Variants in EPB41L2 observed in about 807,000 individuals in gnomAD.
EPB41L2 encodes erythrocyte membrane protein band 4.1 like 2, also known as band 4.1-like protein 2.
A neutral mutation model predicts 113.0 loss-of-function variants in EPB41L2; 43 were observed. The observed-to-expected ratio is 0.38, with a 90% confidence interval of 0.30 to 0.49. The LOEUF is 0.49. Ranked by LOEUF, EPB41L2 falls within the 20% of genes least tolerant of loss-of-function variation. The pLI, the probability that EPB41L2 is intolerant of heterozygous loss-of-function variation, is 0.95. For missense variants in EPB41L2, 1,147 were observed against 1,223.4 expected (o/e 0.94, Z 0.93); for synonymous variants, 442 against 436.7 (o/e 1.01, Z -0.15).
At chr6:130,983,694 A>AT (rs921320216) in intron 1 of EPB41L2, among the ~76,000 whole-genome samples, 18 of 151,332 alleles carry the variant, frequency 1.2e-4, no homozygotes, top group Admixed American at 2.6e-4. Flanking sequence ...TGCCCTGCTG[A>AT]TTTTTTTTAT....
Position 130,867,530 on chromosome 6 carries a change from T to C in EPB41L2, c.2659A>G (p.Thr887Ala), listed in dbSNP as rs2128442969. The C allele has an allele frequency of 4.3e-6, 7 of 1,613,992 alleles. No individual in the cohort carries two copies. In the South Asian group the frequency reaches 7.7e-5, roughly 18 times the overall value. ...GGGACTTCCTTGGTGGAGATTTCTG[T>C]CCTTTGTGAGGCATCAGAAATTGTT... The part of the protein sequence containing the change: ...MVTISDASQR[T>A]EISTKEVPIV... The change falls in exon 16 of 20, where the codon ACA becomes GCA. Residue 887 changes from threonine to alanine, a missense_variant. Transcript: ENST00000337057.
At chr6:130,944,004 C>T (rs1811810081) in intron 3 of EPB41L2, among the ~76,000 whole-genome samples, 1 of 152,166 alleles carries the variant, frequency 6.6e-6, no homozygotes, top group Non-Finnish European at 1.5e-5. Flanking sequence ...TAGAGTTTCA[C>T]AATCTTTTGT....
intron 1 of EPB41L2, among the ~76,000 whole-genome samples, chr6:131,030,883 C>A (rs1325623952): frequency 6.6e-6 from 1 of 151,448 alleles, no homozygotes; most frequent in Non-Finnish European, 1.5e-5. Context: ...CGAGGACCAG[C>A]CCGAGCAACA....
chr6:130,879,057 T>G (rs914628266), intron 13 of EPB41L2, among the ~76,000 whole-genome samples: 13 of 152,364 alleles, frequency 8.5e-5, no homozygotes, highest in African/African-American at 3.1e-4. Context: ...GGAATTTTTT[T>G]CGACTGGCTC....
chr6:130,861,369 G>A (rs920514757), intron 18 of EPB41L2, among the ~76,000 whole-genome samples: 1 of 151,816 alleles, frequency 6.6e-6, no homozygotes, highest in Non-Finnish European at 1.5e-5. Context: ...ACCGCCCCCA[G>A]CCTGAAGATT....
At chr6:130,911,187 A>G (rs1257209774) in intron 4 of EPB41L2, among the ~76,000 whole-genome samples, 1 of 152,232 alleles carries the variant, frequency 6.6e-6, no homozygotes, top group Non-Finnish European at 1.5e-5. Flanking sequence ...ACGAAATACT[A>G]TGCAGCCATA....
intron 3 of EPB41L2, among the ~76,000 whole-genome samples, chr6:130,953,606 T>C (rs542687671): frequency 1.3e-5 from 2 of 152,104 alleles, no homozygotes; most frequent in African/African-American, 4.8e-5. Context: ...ACACGGCGCA[T>C]GTATACATAT....
At chr6:130,866,136 A>G (rs1783674399) in intron 16 of EPB41L2, among the ~76,000 whole-genome samples, 1 of 152,238 alleles carries the variant, frequency 6.6e-6, no homozygotes, top group Non-Finnish European at 1.5e-5. Context: ...TTCATCAACT[A>G]CATTGTTCCT....
Position 130,956,331 on chromosome 6 carries a change from G to C in EPB41L2, c.155C>G (p.Ala52Gly). The C allele has an allele frequency of 6.2e-7, 1 of 1,614,120 alleles. No homozygotes were observed. The highest frequency in any genetic ancestry group is 1.1e-5 in the South Asian group (1 of 91,074). Reference sequence around the variant, plus strand: ...GCGTAGACTACTTTGGCTTTCAGCTGCAGGAGGTGGCTGGGAACCTTTTTC... The same window carrying C: ...GCGTAGACTACTTTGGCTTTCAGCTCCAGGAGGTGGCTGGGAACCTTTTTC... ...EEEKGSQPPP[A>G]AESQSSLRRQ... is the part of the protein sequence containing the mutation. Residue 52 changes from alanine to glycine, a missense_variant, in exon 2 of 20, where the codon GCA (alanine) becomes GGA (glycine). By Grantham distance (60) the Ala-to-Gly change is moderately conservative (BLOSUM62 0). Coordinates refer to ENST00000337057, the MANE Select transcript of EPB41L2 (RefSeq NM_001431.4).
In EPB41L2 at chr6:130,869,619, C is replaced by G. The variant is rs768299444; in HGVS notation, c.2551G>C (p.Gly851Arg). 6.2e-7 allele frequency: 1 copy of G among 1,614,194 alleles called. No homozygotes were observed. Among genetic ancestry groups the G allele is most frequent in the South Asian group, 1.1e-5 (1 of 91,064 alleles). Residue 851 changes from glycine (G) to arginine (R), a missense_variant, in exon 15 of 20, where the codon GGA becomes CGA. Gly to Arg is a moderately radical substitution (Grantham distance 125, BLOSUM62 -2). Coordinates refer to ENST00000337057, the MANE Select transcript of EPB41L2 (RefSeq NM_001431.4). ...TCAATGTCAACATGGGACACCTCTC[C>G]GTTAACTTTCTGTGGCTCTTCCTCT... ...EAEEEPQKVN[G>R]EVSHVDIDVL...
intron 12 of EPB41L2, among the ~76,000 whole-genome samples, chr6:130,883,440 T>C (rs1789925646): frequency 6.6e-6 from 1 of 152,204 alleles, no homozygotes. Context: ...ATAGATCCCA[T>C]GAAACTCAAA....
At position 131,032,885 on chromosome 6, in the gene EPB41L2, G is replaced by A. The variant is rs569065739; in HGVS notation, c.-15+30270C>T. Among the ~76,000 whole-genome samples the A allele has an allele frequency of 3.3e-5, 5 of 152,256 alleles. No individual in the cohort carries two copies. The South Asian group carries it at 8.3e-4, about 25-fold the overall frequency. ...TTTAAGGCTGGGCACGGTGGCTCACGCTTGAAATCCCAGCACTCTGGGAAA... is the reference window on the plus strand; with the variant it reads ...TTTAAGGCTGGGCACGGTGGCTCACACTTGAAATCCCAGCACTCTGGGAAA... On this transcript the variant is annotated intron_variant, in intron 1 of 19. Transcript: ENST00000337057.
chr6:131,040,538 T>G (rs1419103492), intron 1 of EPB41L2, among the ~76,000 whole-genome samples: 1 of 152,198 alleles, frequency 6.6e-6, no homozygotes, highest in Non-Finnish European at 1.5e-5. Context: ...CCCAAAGAGA[T>G]AACTGATTCA....
chr6:130,847,669 A>G (rs904911476), intron 19 of EPB41L2, among the ~76,000 whole-genome samples: 5 of 152,164 alleles, frequency 3.3e-5, no homozygotes, highest in African/African-American at 7.2e-5. Flanking sequence ...TTGATTAACT[A>G]TATCTATGAT....
At chr6:131,002,736 C>T (rs1370006830) in intron 1 of EPB41L2, among the ~76,000 whole-genome samples, 1 of 152,126 alleles carries the variant, frequency 6.6e-6, no homozygotes, top group Admixed American at 6.5e-5. Context: ...ATCAAACAAC[C>T]CTAAAATGGC....
At chr6:130,899,430 C>T in intron 8 of EPB41L2, 61 bp downstream of exon 8, 1 of 1,335,882 alleles carries the variant, frequency 7.5e-7, no homozygotes, top group Non-Finnish European at 1.1e-6. Context: ...GAAACTGGAG[C>T]CCTCTCAAAA....
intron 9 of EPB41L2, 67 bp downstream of exon 9, chr6:130,894,900 G>A (rs1228015912): frequency 7.0e-7 from 1 of 1,437,304 alleles, no homozygotes; most frequent in African/African-American, 1.4e-5. Flanking sequence ...TAATAGAAAA[G>A]AATTTTTAAA....
At chr6:131,056,100 T>G (rs1347910456) in intron 1 of EPB41L2, among the ~76,000 whole-genome samples, 1 of 152,244 alleles carries the variant, frequency 6.6e-6, no homozygotes, top group African/African-American at 2.4e-5. Context: ...GAAACCTGAT[T>G]TCTTAATGTT....
At chr6:130,983,026 T>G (rs573089581) in intron 1 of EPB41L2, among the ~76,000 whole-genome samples, 2 of 152,210 alleles carry the variant, frequency 1.3e-5, no homozygotes, top group African/African-American at 4.8e-5. Context: ...GATGCTTATA[T>G]AGCCTCAACT....
Sources: allele counts gnomAD v4.1 joint callset (sites outside exome capture counted in the v4.1 genomes callset), GRCh38; gene constraint gnomAD v4.1.1; transcripts MANE v1.5; gene names NCBI Gene and HGNC (gene_info 2026-07-23, HGNC 2026-07-21).